PGAP1: variants seen among roughly 807,000 people sequenced by gnomAD.
The protein encoded by PGAP1 is GPI inositol-deacylase.
In PGAP1, 76 loss-of-function variants were observed where a neutral mutation model predicts 127.0. That is an observed-to-expected ratio of 0.60 (90% confidence interval 0.50 to 0.72). PGAP1 has a LOEUF of 0.72. Among genes scored for constraint, PGAP1 ranks in the 30% least tolerant of loss-of-function variants. The probability of loss-of-function intolerance (pLI) is 0.00; values close to 1 mark genes in which losing one functional copy is unlikely to be tolerated. For synonymous variants in PGAP1, 362 were observed against 366.5 expected, an observed-to-expected ratio of 0.99 and a Z score of 0.14; for missense variants, 982 against 1,071.3, an observed-to-expected ratio of 0.92 and a Z score of 1.16.
At chr2:196,881,833 A>T (rs1038394325) in intron 12 of PGAP1, among the ~76,000 whole-genome samples, 4 of 152,180 alleles carry the variant, frequency 2.6e-5, no homozygotes, top group African/African-American at 9.7e-5. Context: ...CACTCTGTTG[A>T]TAGTTTCCTT....
At chr2:196,854,041 T>G (rs1025169414) in intron 20 of PGAP1, among the ~76,000 whole-genome samples, 3 of 151,568 alleles carry the variant, frequency 2.0e-5, no homozygotes, top group Non-Finnish European at 2.9e-5. Flanking sequence ...CAGGTGTATG[T>G]ACGCCACCAC....
intron 4 of PGAP1, among the ~76,000 whole-genome samples, chr2:196,905,713 C>A (rs1702680505): frequency 6.7e-6 from 1 of 149,890 alleles, no homozygotes; most frequent in Non-Finnish European, 1.5e-5. Flanking sequence ...CTAGGGAGTG[C>A]CAGACAGTGG....
intron 20 of PGAP1, among the ~76,000 whole-genome samples, chr2:196,863,257 A>G (rs1479552469): frequency 6.6e-6 from 1 of 152,164 alleles, no homozygotes; most frequent in African/African-American, 2.4e-5. Context: ...TATCAAAAAG[A>G]TGTCTGCATC....
At position 196,837,097 on chromosome 2, in the gene PGAP1, A is replaced by G. The variant is rs1235712788; in HGVS notation, c.*4137T>C. 1 of 152,210 alleles carries G rather than the reference A, an allele frequency of 6.6e-6. No individual in the cohort carries two copies. Among genetic ancestry groups the G allele is most frequent in the Non-Finnish European group, 1.5e-5 (1 of 68,014 alleles). 9.4% of individuals were successfully genotyped at this position (152,210 alleles called of 1,614,324 possible). On this transcript the variant is annotated 3_prime_UTR_variant, in exon 27 of 27. Transcript: ENST00000354764. ...TAATAATAATGCAAGACATTATGCT[A>G]ATTTGGACCTAACACCTAAAATGAA...
chr2:196,860,873 T>C (rs1701043256), intron 20 of PGAP1, among the ~76,000 whole-genome samples: 1 of 151,960 alleles, frequency 6.6e-6, no homozygotes, highest in African/African-American at 2.4e-5. Flanking sequence ...TGACTGCAAA[T>C]AGCAAAAAAA....
chr2:196,897,071 T>C (rs779833619), intron 7 of PGAP1, 60 bp downstream of exon 7: 80 of 957,560 alleles, frequency 8.4e-5, no homozygotes, highest in Non-Finnish European at 1.1e-4. Flanking sequence ...ATCATGGCTG[T>C]AAATGATATA....
chr2:196,861,876 T>C (rs113544900), intron 20 of PGAP1, among the ~76,000 whole-genome samples: 15,408 of 151,426 alleles, frequency 0.1, 952 homozygotes, highest in African/African-American at 0.17. Flanking sequence ...CCTTGTGATT[T>C]CCTAGGCCTG....
At chr2:196,914,730 AT>A (rs1021614343) in intron 3 of PGAP1, among the ~76,000 whole-genome samples, 21 of 151,868 alleles carry the variant, frequency 1.4e-4, no homozygotes, top group Non-Finnish European at 2.6e-4. Context: ...TCTTAAATCC[AT>A]TTCAATCAGA....
At chr2:196,894,482 C>A (rs189661279) in intron 7 of PGAP1, among the ~76,000 whole-genome samples, 1 of 152,294 alleles carries the variant, frequency 6.6e-6, no homozygotes, top group Non-Finnish European at 1.5e-5. Context: ...CATCTGTTTG[C>A]AATCAATTAA....
At chr2:196,841,459 G>A in intron 26 of PGAP1, 87 bp from the exon 27 acceptor site, 1 of 950,210 alleles carries the variant, frequency 1.1e-6, no homozygotes, top group South Asian at 1.9e-5. Flanking sequence ...GTTTTGGAAA[G>A]ATAAATATTC....
At chr2:196,884,478 G>T (rs1701833528) in intron 12 of PGAP1, among the ~76,000 whole-genome samples, 1 of 152,266 alleles carries the variant, frequency 6.6e-6, no homozygotes, top group Middle Eastern at 3.4e-3. Flanking sequence ...CAAAAAAATT[G>T]CAACCATTCC....
Position 196,834,940 on chromosome 2 carries a change from A to G in PGAP1, c.*6294T>C, listed in dbSNP as rs1031494578. On this transcript the variant is annotated 3_prime_UTR_variant, in exon 27 of 27. Coordinates refer to ENST00000354764, the MANE Select transcript of PGAP1 (RefSeq NM_024989.4). ...CACTAAATCAAGGCCAGAGATTTCG[A>G]TATTTGGCTTTCTGTCCTGCCTCCT... 6.6e-6 allele frequency: 1 copy of G among 151,968 alleles called. No homozygotes were observed. The highest frequency in any genetic ancestry group is 2.4e-5 in the African/African-American group (1 of 41,446). 9.4% of individuals were successfully genotyped at this position (151,968 alleles called of 1,614,324 possible).
At chr2:196,868,672 C>T (rs752571417) in intron 19 of PGAP1, among the ~76,000 whole-genome samples, 7 of 152,172 alleles carry the variant, frequency 4.6e-5, no homozygotes, top group Non-Finnish European at 8.8e-5. Context: ...TCAGTTCATG[C>T]TTTGCCCTCT....
intron 19 of PGAP1, among the ~76,000 whole-genome samples, chr2:196,869,495 C>T (rs1013526595): frequency 5.9e-5 from 9 of 152,048 alleles, no homozygotes; most frequent in East Asian, 1.9e-4. Flanking sequence ...CCACCACGTC[C>T]GGCTAATTTT....
At chr2:196,897,088 T>C (rs777100011) in intron 7 of PGAP1, 43 bp downstream of exon 7, 2 of 1,168,912 alleles carry the variant, frequency 1.7e-6, no homozygotes, top group South Asian at 1.5e-5. Flanking sequence ...TATAGTAAAG[T>C]AAAAGCTTTC....
Position 196,846,025 on chromosome 2 carries a change from T to A in PGAP1, c.2151-8A>T. 6.5e-7 allele frequency: 1 copy of A among 1,537,168 alleles called. No homozygotes were observed. The highest frequency in any genetic ancestry group is 1.4e-5 in the African/African-American group (1 of 72,924). ...TTAGGAAGTTCAGAGGGTCTGGAAT[T>A]ATAAGAATAAAGTTTAAAATATATA... On this transcript the variant is annotated splice_polypyrimidine_tract_variant and splice_region_variant and intron_variant, in intron 22 of 26. Transcript: ENST00000354764.
intron 5 of PGAP1, among the ~76,000 whole-genome samples, chr2:196,900,087 G>GA (rs1322028357): frequency 6.6e-6 from 1 of 152,188 alleles, no homozygotes; most frequent in Admixed American, 6.5e-5. Flanking sequence ...CTAATGGTAT[G>GA]TGAGCAGGAG....
At chr2:196,916,085 A>T (rs1702997282) in intron 3 of PGAP1, among the ~76,000 whole-genome samples, 1 of 152,216 alleles carries the variant, frequency 6.6e-6, no homozygotes, top group African/African-American at 2.4e-5. Context: ...TTGTTTACAT[A>T]TGCAGGTGTT....
chr2:196,902,258 G>C (rs1444309913), intron 5 of PGAP1, among the ~76,000 whole-genome samples: 2 of 152,066 alleles, frequency 1.3e-5, no homozygotes, highest in African/African-American at 2.4e-5. Context: ...GGCTGATCTT[G>C]AACTCCTGGC....
Sources: allele counts gnomAD v4.1 joint callset (sites outside exome capture counted in the v4.1 genomes callset), GRCh38; gene constraint gnomAD v4.1.1; transcripts MANE v1.5; gene names NCBI Gene and HGNC (gene_info 2026-07-23, HGNC 2026-07-21).